Variants in RMND1 observed in about 807,000 individuals in gnomAD.
RMND1 encodes the protein required for meiotic nuclear division protein 1 homolog.
A neutral mutation model predicts 54.0 loss-of-function variants in RMND1; 41 were observed. The observed-to-expected ratio is 0.76, with a 90% confidence interval of 0.59 to 0.98. RMND1 has a LOEUF of 0.98. Among genes scored for constraint, RMND1 ranks in the 50% least tolerant of loss-of-function variants. The probability of loss-of-function intolerance (pLI) is 0.00; values close to 1 mark genes in which losing one functional copy is unlikely to be tolerated. For missense variants in RMND1, 457 were observed against 532.0 expected (o/e 0.86, Z 1.39); for synonymous variants, 183 against 181.7 (o/e 1.01, Z -0.06).
intron 2 of RMND1, among the ~76,000 whole-genome samples, chr6:151,443,668 C>G (rs1780858009): frequency 1.3e-5 from 2 of 152,174 alleles, no homozygotes; most frequent in South Asian, 4.1e-4. Flanking sequence ...GCGACTTGCT[C>G]TTGCCAAACT....
chr6:151,414,754 A>C (rs1438790634), intron 10 of RMND1, among the ~76,000 whole-genome samples: 1 of 152,210 alleles, frequency 6.6e-6, no homozygotes, highest in African/African-American at 2.4e-5. Context: ...CAGAGACAAA[A>C]TATACTGGAA....
Position 151,449,774 on chromosome 6 carries a change from G to A in RMND1, c.-15+2242C>T, listed in dbSNP as rs921374173. On this transcript the variant is annotated intron_variant, in intron 1 of 11. Coordinates refer to ENST00000444024, the MANE Select transcript of RMND1 (RefSeq NM_017909.4). ...CCTGATTCTCCTGCCTCAGCCTGCC[G>A]AGTGCCTGCGATTACAGGCGCATGC... Among the ~76,000 whole-genome samples, 59 of 152,166 alleles carry A rather than the reference G, an allele frequency of 3.9e-4. 1 individual carries two copies. The highest frequency in any genetic ancestry group is 1.9e-4 in the African/African-American group (8 of 41,432).
At chr6:151,450,082 G>T (rs1196983144) in intron 1 of RMND1, among the ~76,000 whole-genome samples, 1 of 152,102 alleles carries the variant, frequency 6.6e-6, no homozygotes, top group East Asian at 1.9e-4. Flanking sequence ...CGTCTGGGAC[G>T]TGAGGAGCCC....
intron 10 of RMND1, among the ~76,000 whole-genome samples, chr6:151,414,244 TA>T (rs1165271617): frequency 6.6e-6 from 1 of 151,788 alleles, no homozygotes; most frequent in Non-Finnish European, 1.5e-5. Context: ...CTAATTTTTT[TA>T]AAAAAAAGGT....
At chr6:151,420,277 T>C (rs1483296383) in intron 9 of RMND1, among the ~76,000 whole-genome samples, 1 of 152,076 alleles carries the variant, frequency 6.6e-6, no homozygotes, top group Non-Finnish European at 1.5e-5. Flanking sequence ...GATGGATGGG[T>C]TTTTAAGTTT....
At chr6:151,417,221 A>C in intron 10 of RMND1, 58 bp downstream of exon 10, 1 of 1,537,966 alleles carries the variant, frequency 6.5e-7, no homozygotes, top group Non-Finnish European at 8.8e-7. Flanking sequence ...AGTTAAACAT[A>C]TTCAACTTAT....
intron 10 of RMND1, among the ~76,000 whole-genome samples, chr6:151,412,257 C>G (rs996108652): frequency 6.6e-6 from 1 of 152,192 alleles, no homozygotes; most frequent in African/African-American, 2.4e-5. Context: ...TCACCTCGGC[C>G]TCCCGAAGTG....
chr6:151,417,115 C>A, intron 10 of RMND1, 164 bp downstream of exon 10: 1 of 673,718 alleles, frequency 1.5e-6, no homozygotes, highest in Non-Finnish European at 2.4e-6. Context: ...TCAGAAGATC[C>A]TTTGACACAA....
chr6:151,414,646 T>C (rs1779948044), intron 10 of RMND1, among the ~76,000 whole-genome samples: 1 of 151,926 alleles, frequency 6.6e-6, no homozygotes, highest in East Asian at 1.9e-4. Flanking sequence ...AAAAATATAA[T>C]AAATGAAATA....
At chr6:151,413,932 T>C (rs1779929214) in intron 10 of RMND1, 2 of 152,222 alleles carry the variant, frequency 1.3e-5, no homozygotes, top group South Asian at 4.1e-4. Context: ...GGTGCCAAGA[T>C]CAGTGACAAC....
At chr6:151,413,572 G>A (rs1779919320) in intron 10 of RMND1, among the ~76,000 whole-genome samples, 2 of 152,122 alleles carry the variant, frequency 1.3e-5, no homozygotes, top group African/African-American at 4.8e-5. Context: ...CAAGTTTTGG[G>A]GTAATTTGTT....
intron 3 of RMND1, among the ~76,000 whole-genome samples, chr6:151,434,426 A>G (rs1184648049): frequency 7.0e-6 from 1 of 143,526 alleles, no homozygotes; most frequent in South Asian, 2.1e-4. Context: ...TTTTTTTTCT[A>G]AATTGTTAAT....
At chr6:151,412,999 T>TA (rs71014582) in intron 10 of RMND1, among the ~76,000 whole-genome samples, 22,870 of 152,116 alleles carry the variant, frequency 0.15, 1,904 homozygotes, top group East Asian at 0.36. Context: ...ATCACTCCCC[T>TA]ACTTGTTCAT....
intron 6 of RMND1, among the ~76,000 whole-genome samples, chr6:151,426,492 T>A (rs575229802): frequency 6.6e-6 from 1 of 152,142 alleles, no homozygotes; most frequent in Non-Finnish European, 1.5e-5. Flanking sequence ...GTCTCTTAGA[T>A]TGACCCCTCA....
rs374280619 is a variant in RMND1, at chr6:151,424,285, C to G, written c.831-654G>C. 7.0e-4 allele frequency among the ~76,000 whole-genome samples: 107 copies of G among 151,976 alleles called. 1 individual carries two copies. The highest frequency in any genetic ancestry group is 2.5e-3 in the African/African-American group (103 of 41,484). The stretch of plus-strand genomic sequence containing the variant: ...ACCATCCTGGCTAACATGGTGAAAC[C>G]CCGTCTCTACTCAAAACACAAAATA... On this transcript the variant is annotated intron_variant, in intron 6 of 11. Transcript: ENST00000444024.
In RMND1 at chr6:151,405,118, T is replaced by C. The variant is rs1779564167; in HGVS notation, c.*117A>G. 2 of 838,194 alleles carry C rather than the reference T, an allele frequency of 2.4e-6. No individual in the cohort carries two copies. Among genetic ancestry groups the C allele is most frequent in the Non-Finnish European group, 3.9e-6 (2 of 508,496 alleles). 51.9% of individuals were successfully genotyped at this position (838,194 alleles called of 1,614,324 possible). A position where few individuals can be genotyped will look rare whatever the true frequency, so the allele number is the denominator to read the frequency against. ...TCCTGATCTCATCTCAAGCCACCCT[T>C]CTTGGCCTCCGAAAGTGCTGGGATT... On this transcript the variant is annotated 3_prime_UTR_variant, in exon 12 of 12. Transcript: ENST00000444024.
At chr6:151,436,204 AC>A (rs1780606930) in intron 3 of RMND1, 1 of 408,990 alleles carries the variant, frequency 2.4e-6, no homozygotes, top group Non-Finnish European at 4.5e-6. Flanking sequence ...ACCTCTGACC[AC>A]CTCAAGTAAT....
intron 3 of RMND1, among the ~76,000 whole-genome samples, chr6:151,433,825 GTTTT>G (rs200775279): frequency 6.8e-6 from 1 of 147,966 alleles, no homozygotes; most frequent in Non-Finnish European, 1.5e-5. Flanking sequence ...TAAAAAAAAA[GTTTT>G]TTTTTTGTTT....
At chr6:151,435,767 A>T (rs1582962224) in intron 3 of RMND1, among the ~76,000 whole-genome samples, 1 of 150,624 alleles carries the variant, frequency 6.6e-6, no homozygotes. Context: ...TTTTTTTTTT[A>T]AAGGCTCTCC....
Sources: allele counts gnomAD v4.1 joint callset (sites outside exome capture counted in the v4.1 genomes callset), GRCh38; gene constraint gnomAD v4.1.1; transcripts MANE v1.5; gene names NCBI Gene and HGNC (gene_info 2026-07-23, HGNC 2026-07-21).